SV2C: variants seen among roughly 807,000 people sequenced by gnomAD.
The protein encoded by SV2C is solute carrier family 22 member B3.
SV2C carries 49 observed loss-of-function variants against 79.7 expected under a neutral mutation model. The observed-to-expected ratio is 0.61, with a 90% CI of 0.49 to 0.78. SV2C has a LOEUF of 0.78. SV2C is among the 30% of genes least tolerant of loss of function. SV2C has a pLI of 0.00. For missense variants in SV2C, 833 were observed against 912.9 expected (o/e 0.91, Z 1.13); for synonymous variants, 334 against 333.2 (o/e 1.00, Z -0.03).
rs140794608 is a variant in SV2C at position 76,092,607 on chromosome 5, C to T, written c.-102+9095C>T. On this transcript the variant is annotated intron_variant, in intron 1 of 12. Coordinates refer to ENST00000502798, the MANE Select transcript of SV2C (RefSeq NM_014979.4). ...CCCATCCTCAATAAATCTTATTTGT[C>T]CAATAGCTGTCAAAAGCCTGTATTA... 2.5e-3 allele frequency among the ~76,000 whole-genome samples: 373 copies of T among 152,206 alleles called. 3 individuals carry two copies. The highest frequency in any genetic ancestry group is 8.6e-3 in the African/African-American group (359 of 41,520).
chr5:75,949,114 T>G, the SV2C span, among the ~76,000 whole-genome samples: 1 of 151,868 alleles, frequency 6.6e-6, no homozygotes, highest in African/African-American at 2.4e-5. Context: ...CTCTCCCTCT[T>G]GCTCCTGCTT....
the SV2C span, among the ~76,000 whole-genome samples, chr5:75,998,112 G>A: frequency 3.9e-5 from 6 of 152,038 alleles, no homozygotes; most frequent in African/African-American, 1.4e-4. Context: ...AACACCGCAT[G>A]TTCTCACTCA....
the SV2C span, among the ~76,000 whole-genome samples, chr5:75,958,808 A>G: frequency 2.6e-5 from 4 of 151,914 alleles, no homozygotes; most frequent in Non-Finnish European, 5.9e-5. Flanking sequence ...GTGGAGGCGG[A>G]TTCATAGCAT....
At chr5:76,349,309 C>T (rs532693891) in intron 12 of SV2C, among the ~76,000 whole-genome samples, 1 of 152,230 alleles carries the variant, frequency 6.6e-6, no homozygotes, top group South Asian at 2.1e-4. Flanking sequence ...GTTAGGAGTT[C>T]GAGACCAGGC....
At chr5:75,917,410 G>A in the SV2C span, among the ~76,000 whole-genome samples, 3 of 152,240 alleles carry the variant, frequency 2.0e-5, no homozygotes, top group South Asian at 4.1e-4. Context: ...CTGTGCTAAG[G>A]AAGAAAAAGA....
At chr5:75,885,577 A>G in the SV2C span, among the ~76,000 whole-genome samples, 1 of 152,140 alleles carries the variant, frequency 6.6e-6, no homozygotes, top group African/African-American at 2.4e-5. Context: ...GCTATGAGTA[A>G]TAACATTCTT....
the SV2C span, among the ~76,000 whole-genome samples, chr5:75,869,431 G>T: frequency 6.6e-6 from 1 of 152,208 alleles, no homozygotes; most frequent in East Asian, 1.9e-4. Flanking sequence ...CTTTGGAAAG[G>T]GGAGAGAAGA....
intron 2 of SV2C, among the ~76,000 whole-genome samples, chr5:76,186,709 C>T (rs566329691): frequency 5.2e-4 from 33 of 63,934 alleles, no homozygotes; most frequent in Non-Finnish European, 8.6e-4. Flanking sequence ...CAAACAAAGA[C>T]ATTTAATTGA....
intron 1 of SV2C, among the ~76,000 whole-genome samples, chr5:76,099,806 C>T (rs564067972): frequency 2.0e-5 from 3 of 152,134 alleles, no homozygotes; most frequent in Admixed American, 6.6e-5. Flanking sequence ...TCTCTTCATC[C>T]GAGCTGAATT....
rs1749215395 is a variant in SV2C, at chr5:76,332,568, C to T, written c.*7021C>T. ...TACTACATTTTACCATTATCTGTGC[C>T]CATGAGGTAATGTATGCCTATTATG... On this transcript the variant is annotated 3_prime_UTR_variant, in exon 13 of 13. Coordinates refer to ENST00000502798, the MANE Select transcript of SV2C (RefSeq NM_014979.4). 1 of 152,104 alleles carries T rather than the reference C, an allele frequency of 6.6e-6. No homozygotes were observed. Among genetic ancestry groups the T allele is most frequent in the African/African-American group, 2.4e-5 (1 of 41,406 alleles). The allele number at this position is 152,104 out of a possible 1,614,324, so 9.4% of individuals were successfully genotyped here. A position where few individuals can be genotyped will look rare whatever the true frequency, so the allele number is the denominator to read the frequency against.
chr5:76,349,740 G>A (rs544417827), intron 12 of SV2C, among the ~76,000 whole-genome samples: 1 of 149,170 alleles, frequency 6.7e-6, no homozygotes, highest in South Asian at 2.1e-4. Context: ...CATAATCATA[G>A]CTCACTGCAG....
intron 2 of SV2C, among the ~76,000 whole-genome samples, chr5:76,186,566 C>A (rs1385110119): frequency 6.6e-6 from 1 of 152,154 alleles, no homozygotes; most frequent in East Asian, 1.9e-4. Context: ...GTGGCACACA[C>A]CTGTGATCCC....
the SV2C span, among the ~76,000 whole-genome samples, chr5:75,924,403 G>T: frequency 6.6e-6 from 1 of 151,918 alleles, no homozygotes; most frequent in Admixed American, 6.6e-5. Flanking sequence ...AAAAACTATT[G>T]AAATAAAAAA....
At chr5:76,233,422 A>G (rs1466631238) in intron 4 of SV2C, among the ~76,000 whole-genome samples, 2 of 138,286 alleles carry the variant, frequency 1.4e-5, no homozygotes, top group Non-Finnish European at 3.0e-5. Context: ...CTAATTGAAT[A>G]CCCTTTATTT....
chr5:75,980,679 T>G, the SV2C span, among the ~76,000 whole-genome samples: 1 of 152,106 alleles, frequency 6.6e-6, no homozygotes, highest in Admixed American at 6.6e-5. Flanking sequence ...TGTTAAAAAC[T>G]TGCAATAAAC....
intron 4 of SV2C, among the ~76,000 whole-genome samples, chr5:76,268,079 C>T (rs530662446): frequency 1.3e-5 from 2 of 152,310 alleles, no homozygotes; most frequent in South Asian, 4.2e-4. Flanking sequence ...GAGGGGATCA[C>T]TGAGCTGGAC....
chr5:75,951,345 G>C, the SV2C span, among the ~76,000 whole-genome samples: 1 of 151,972 alleles, frequency 6.6e-6, no homozygotes, highest in Non-Finnish European at 1.5e-5. Flanking sequence ...CATTCTGGCT[G>C]ATTAAAATGC....
At chr5:75,966,205 T>G in the SV2C span, among the ~76,000 whole-genome samples, 1 of 152,236 alleles carries the variant, frequency 6.6e-6, no homozygotes, top group Admixed American at 6.5e-5. Context: ...CAATTTTAAG[T>G]TCTTTCTAAG....
Position 76,204,854 on chromosome 5 carries a change from G to A in SV2C, c.762-4882G>A, listed in dbSNP as rs1304088574. On this transcript the variant is annotated intron_variant, in intron 3 of 12. Transcript: ENST00000502798. ...GTTGCCAGCTGAACTGGAGTAAGAC[G>A]AGGCGTGGCTGTGAAATTCACAGTC... 3.3e-5 allele frequency among the ~76,000 whole-genome samples: 5 copies of A among 152,174 alleles called. No homozygotes were observed. The East Asian group carries it at 7.7e-4, about 23-fold the overall frequency.
Sources: allele counts gnomAD v4.1 joint callset (sites outside exome capture counted in the v4.1 genomes callset), GRCh38; gene constraint gnomAD v4.1.1; transcripts MANE v1.5; gene names NCBI Gene and HGNC (gene_info 2026-07-23, HGNC 2026-07-21).